Variants in FKBP10 observed in about 807,000 individuals in gnomAD.
FKBP10 encodes FKBP prolyl isomerase 10.
In FKBP10, 34 loss-of-function variants were observed where a neutral mutation model predicts 53.7. The observed-to-expected ratio is 0.63, with a 90% CI of 0.48 to 0.84. The LOEUF (loss-of-function observed/expected upper bound fraction) is 0.84. Among genes scored for constraint, FKBP10 ranks in the 40% least tolerant of loss-of-function variants. The pLI is 0.00. For missense variants in FKBP10, 748 were observed against 797.8 expected, an observed-to-expected ratio of 0.94 and a Z score of 0.75; for synonymous variants, 324 against 335.7, an observed-to-expected ratio of 0.97 and a Z score of 0.38.
At chr17:41,816,227 C>G (rs1161379394) in intron 1 of FKBP10, among the ~76,000 whole-genome samples, 1 of 77,060 alleles carries the variant, frequency 1.3e-5, no homozygotes, top group Admixed American at 2.3e-4. Flanking sequence ...TTAGAATAGG[C>G]TTTTTTTTTT....
Position 41,822,315 on chromosome 17 carries a change from GAACCAGGACCGC to G in FKBP10, c.1666_1677del (p.Arg556_Asp559del), listed in dbSNP as rs782622211. ...AGAAAACCATAGGAGACATGTTCCA[GAACCAGGACCGC>G]AACCAGGACGGCAAGATCACAGTCG... On this transcript the variant is annotated inframe_deletion, in exon 10 of 10. Coordinates refer to ENST00000321562, the MANE Select transcript of FKBP10 (RefSeq NM_021939.4). 1.7e-5 allele frequency: 28 copies of G among 1,613,758 alleles called. No individual in the cohort carries two copies. Among genetic ancestry groups the G allele is most frequent in the Middle Eastern group, 1.6e-4 (1 of 6,084 alleles).
At position 41,819,715 on chromosome 17, in the gene FKBP10, G is replaced by A. The variant is rs199570677; in HGVS notation, c.1063+40G>A. 6.0e-4 allele frequency: 942 copies of A among 1,574,812 alleles called. 1 individual carries two copies. The highest frequency in any genetic ancestry group is 7.7e-4 in the Non-Finnish European group (898 of 1,160,454). On this transcript the variant is annotated intron_variant, in intron 6 of 9. Coordinates refer to ENST00000321562, the MANE Select transcript of FKBP10 (RefSeq NM_021939.4). ...CAGCCACCACCTCAGCTCCTCCTCC[G>A]AACTGCCCATTGTGTCTAGGCCACC... is the stretch of plus-strand genomic sequence containing the variant.
rs782424268 is a variant in FKBP10, at chr17:41,822,187, C to T, written c.1564-36C>T. 31 of 1,595,046 alleles carry T rather than the reference C, an allele frequency of 1.9e-5. No homozygotes were observed. In the South Asian group the frequency reaches 3.1e-4, roughly 16 times the overall value. On this transcript the variant is annotated intron_variant, in intron 9 of 9. Transcript: ENST00000321562. ...CCCTGCCCCTCCCAAGGCCATGACC[C>T]TCACTGCCCGCTCCCCCGGCTCTCC...
At position 41,819,315 on chromosome 17, in the gene FKBP10, G is replaced by A. The variant is rs2047857857; in HGVS notation, c.833G>A (p.Gly278Asp). The A allele has an allele frequency of 1.2e-6, 2 of 1,613,974 alleles. No homozygotes were observed. The highest frequency in any genetic ancestry group is 2.2e-5 in the East Asian group (1 of 44,896). ...VQLETLELPP[G>D]CVRRAGAGDF... Reference sequence around the variant, plus strand: ...CTAGAGACGCTGGAGCTCCCCCCCGGCTGTGTCCGCAGAGCCGGGGCCGGG... The same window carrying A: ...CTAGAGACGCTGGAGCTCCCCCCCGACTGTGTCCGCAGAGCCGGGGCCGGG... The change falls in exon 5 of 10, where the codon GGC (glycine) becomes GAC (aspartate). Residue 278 changes from glycine to aspartate, a missense_variant. Gly to Asp is a moderately conservative substitution (Grantham distance 94). Transcript: ENST00000321562.
Position 41,821,739 on chromosome 17 carries a change from T to G in FKBP10, c.1485T>G (p.Phe495Leu), listed in dbSNP as rs182545136. 19 of 1,614,146 alleles carry G rather than the reference T, an allele frequency of 1.2e-5. No individual in the cohort carries two copies. The Admixed American group carries it at 3.0e-4, about 25-fold the overall frequency. Residue 495 changes from phenylalanine (F) to leucine (L), a missense_variant, in exon 9 of 10, where the codon TTT (phenylalanine) becomes TTG (leucine). Physicochemically the swap from Phe to Leu is conservative, Grantham distance 22 (BLOSUM62 0). Coordinates refer to ENST00000321562, the MANE Select transcript of FKBP10 (RefSeq NM_021939.4). ...REDGLPTGYL[F>L]VWHKDPPANL... The stretch of plus-strand genomic sequence containing the variant: ...ATGGGCTGCCCACAGGCTACCTGTT[T>G]GTGTGGCACAAGGACCCTCCTGCCA...
Position 41,822,337 on chromosome 17 carries a change from G to A in FKBP10, c.1678G>A (p.Gly560Ser), listed in dbSNP as rs372065952. ...MFQNQDRNQDGKITVDELKLK... is the reference protein window; with the variant it reads ...MFQNQDRNQDSKITVDELKLK... ...CCAGAACCAGGACCGCAACCAGGAC[G>A]GCAAGATCACAGTCGACGAGCTCAA... Residue 560 changes from glycine (G) to serine (S), a missense_variant, in exon 10 of 10, where the codon GGC becomes AGC. Coordinates refer to ENST00000321562, the MANE Select transcript of FKBP10 (RefSeq NM_021939.4). The A allele has an allele frequency of 6.8e-6, 11 of 1,613,656 alleles. No homozygotes were observed. The East Asian group carries it at 8.9e-5, about 13-fold the overall frequency.
intron 6 of FKBP10, 144 bp downstream of exon 6, chr17:41,819,819 C>T: frequency 6.5e-7 from 1 of 1,537,612 alleles, no homozygotes; most frequent in Non-Finnish European, 8.8e-7. Flanking sequence ...TCTGGTCACC[C>T]CATCTGATTC....
At chr17:41,817,364 T>C (rs112528210) in intron 2 of FKBP10, among the ~76,000 whole-genome samples, 161 bp downstream of exon 2, 3 of 152,260 alleles carry the variant, frequency 2.0e-5, no homozygotes, top group African/African-American at 7.2e-5. Context: ...GGGCAGTAGC[T>C]GACATATATG....
At chr17:41,818,667 T>C (rs781988038) in intron 4 of FKBP10, 140 bp downstream of exon 4, 64 of 1,214,794 alleles carry the variant, frequency 5.3e-5, no homozygotes, top group Non-Finnish European at 7.4e-5. Flanking sequence ...CCCTTGGTGC[T>C]ACTAAGAAGG....
At chr17:41,818,331 G>A (rs568198791) in intron 3 of FKBP10, 51 bp from the exon 4 acceptor site, 21 of 1,614,098 alleles carry the variant, frequency 1.3e-5, no homozygotes, top group East Asian at 1.1e-4. Context: ...CATGGGGAGC[G>A]GGAATCCGGG....
chr17:41,816,379 C>T (rs1012999072), intron 1 of FKBP10, among the ~76,000 whole-genome samples: 8 of 151,512 alleles, frequency 5.3e-5, no homozygotes, highest in East Asian at 4.0e-4. Flanking sequence ...TACAGGCGCC[C>T]GCCACCACAC....
chr17:41,822,997 T>C lies in FKBP10; in HGVS notation c.*589T>C, dbSNP rs886052925. 12 of 107,748 alleles carry C rather than the reference T, an allele frequency of 1.1e-4. No homozygotes were observed. The highest frequency in any genetic ancestry group is 1.9e-4 in the Non-Finnish European group (10 of 52,704). 6.7% of individuals were successfully genotyped at this position (107,748 alleles called of 1,614,324 possible). Reference sequence around the variant, plus strand: ...GAGGCCAGACTGGGCTGTAGTTAGCTTTTCATCCCTAAAGAAGGCTCCTTT... The same window carrying C: ...GAGGCCAGACTGGGCTGTAGTTAGCCTTTCATCCCTAAAGAAGGCTCCTTT... On this transcript the variant is annotated 3_prime_UTR_variant, in exon 10 of 10. Coordinates refer to ENST00000321562, the MANE Select transcript of FKBP10 (RefSeq NM_021939.4).
rs2144041758 is a variant in FKBP10, at chr17:41,813,213, A to C, written c.179A>C (p.Gln60Pro). 6.2e-7 allele frequency: 1 copy of C among 1,613,670 alleles called. No individual in the cohort carries two copies. The highest frequency in any genetic ancestry group is 1.1e-5 in the South Asian group (1 of 91,092). Residue 60 changes from glutamine to proline, a missense_variant, in exon 1 of 10, where the codon CAG becomes CCG. Physicochemically the swap from Gln to Pro is moderately conservative, Grantham distance 76. Transcript: ENST00000321562. ...HIPRACPREVQMGDFVRYHYN... is the reference protein window; with the variant it reads ...HIPRACPREVPMGDFVRYHYN... ...CCCAGGGCCTGTCCCCGGGAAGTGC[A>C]GATGGGGGATTTTGTGCGCTACCAC...
chr17:41,820,530 A>G (rs782122618), intron 7 of FKBP10, 69 bp downstream of exon 7: 1 of 1,520,712 alleles, frequency 6.6e-7, no homozygotes, highest in Non-Finnish European at 9.1e-7. Flanking sequence ...TCCTCAGTGC[A>G]CCCCCGACGC....
intron 7 of FKBP10, 171 bp from the exon 8 acceptor site, chr17:41,820,776 G>A (rs902421450): frequency 1.9e-4 from 183 of 939,884 alleles, no homozygotes; most frequent in Non-Finnish European, 1.1e-4. Flanking sequence ...AAGATGAGAA[G>A]GGAACCCCAC....
intron 1 of FKBP10, among the ~76,000 whole-genome samples, chr17:41,815,228 T>C (rs1340216513): frequency 6.6e-6 from 1 of 152,168 alleles, no homozygotes; most frequent in African/African-American, 2.4e-5. Context: ...TGTCTACGTG[T>C]CACACAGTCA....
intron 1 of FKBP10, among the ~76,000 whole-genome samples, chr17:41,814,987 C>G (rs2047796401): frequency 6.6e-6 from 1 of 152,200 alleles, no homozygotes; most frequent in African/African-American, 2.4e-5. Flanking sequence ...TCTCAACTCA[C>G]TGCAACCTCC....
chr17:41,816,933 C>T, intron 1 of FKBP10, 125 bp from the exon 2 acceptor site: 1 of 1,397,094 alleles, frequency 7.2e-7, no homozygotes, highest in Non-Finnish European at 1.0e-6. Context: ...GTGTGCGTAT[C>T]CACACCTGGC....
Position 41,821,143 on chromosome 17 carries a change from G to A in FKBP10, c.1399+54G>A, listed in dbSNP as rs1236823898. ...TTTTTTTTTTTTTTTTTTTTTTTGA[G>A]ATGGAGTCTGACTCTGTCACCCAGG... is the stretch of plus-strand genomic sequence containing the variant. On this transcript the variant is annotated intron_variant, in intron 8 of 9. Coordinates refer to ENST00000321562, the MANE Select transcript of FKBP10 (RefSeq NM_021939.4). 3.6e-5 allele frequency: 44 copies of A among 1,206,858 alleles called. No individual in the cohort carries two copies. The African/African-American group carries it at 8.4e-4, about 23-fold the overall frequency. The allele number at this position is 1,206,858 out of a possible 1,614,324, so 74.8% of individuals were successfully genotyped here. A position where few individuals can be genotyped will look rare whatever the true frequency, so the allele number is the denominator to read the frequency against.
Sources: gnomAD v4.1 joint callset for allele counts (sites outside exome capture counted in the v4.1 genomes callset) on GRCh38, gnomAD v4.1.1 for gene constraint, MANE v1.5 for transcripts, NCBI Gene and HGNC (gene_info 2026-07-23, HGNC 2026-07-21) for gene names.